Variants in FKBP14 observed in about 807,000 individuals in gnomAD.
FKBP14 encodes the protein FKBP prolyl isomerase 14.
A neutral mutation model predicts 21.6 loss-of-function variants in FKBP14; 20 were observed. That is an observed-to-expected ratio of 0.92 (90% CI 0.65 to 1.34). FKBP14 has a LOEUF of 1.34. FKBP14 is among the 40% of genes most tolerant of loss of function. The pLI is 0.00. For synonymous variants in FKBP14, 79 were observed against 86.7 expected (o/e 0.91, Z 0.49); for missense variants, 253 against 249.0 (o/e 1.02, Z -0.11).
At chr7:30,022,615 C>T in intron 2 of FKBP14, 50 bp downstream of exon 2, 15 of 1,543,742 alleles carry the variant, frequency 9.7e-6, no homozygotes, top group Non-Finnish European at 1.3e-5. Context: ...TCTCCTAATC[C>T]AGAGAACAAC....
chr7:30,026,575 G>T lies in FKBP14; in HGVS notation c.-67C>A. ...AGGTCCCTCGACTTCATAGATTTAA[G>T]AACGTAGTTCAAGGCTTACGGACAA... On this transcript the variant is annotated 5_prime_UTR_variant, in exon 1 of 4. Coordinates refer to ENST00000222803, the MANE Select transcript of FKBP14 (RefSeq NM_017946.4). 1 of 1,468,956 alleles carries T rather than the reference G, an allele frequency of 6.8e-7. No homozygotes were observed. The allele number at this position is 1,468,956 out of a possible 1,614,324, so 91.0% of individuals were successfully genotyped here. A position where few individuals can be genotyped will look rare whatever the true frequency, so the allele number is the denominator to read the frequency against.
chr7:30,021,465 G>A (rs1003348649), intron 2 of FKBP14, among the ~76,000 whole-genome samples: 5 of 151,908 alleles, frequency 3.3e-5, no homozygotes, highest in African/African-American at 1.2e-4. Context: ...TGCAATTATG[G>A]ACATCCCTGT....
downstream of FKBP14, among the ~76,000 whole-genome samples, chr7:30,007,206 CCTTT>C (rs1789632315): frequency 2.6e-5 from 3 of 114,896 alleles, no homozygotes. Flanking sequence ...AAAAAAAGTT[CCTTT>C]GTTTTTTTTT....
intron 1 of FKBP14, 152 bp downstream of exon 1, chr7:30,026,160 T>C: frequency 1.3e-6 from 1 of 749,762 alleles, no homozygotes; most frequent in Non-Finnish European, 2.1e-6. Context: ...TAAAACTGGC[T>C]TTAAACAATT....
chr7:30,018,953 C>T, intron 3 of FKBP14, 43 bp downstream of exon 3: 1 of 1,589,692 alleles, frequency 6.3e-7, no homozygotes, highest in Non-Finnish European at 8.5e-7. Context: ...CCCCAAACAA[C>T]CAAAGAAAAG....
intron 2 of FKBP14, chr7:30,022,395 C>T: frequency 4.1e-6 from 1 of 243,382 alleles, no homozygotes; most frequent in Non-Finnish European, 7.8e-6. Context: ...TATATTTTAT[C>T]ACAATTAAAA....
At chr7:30,022,618 A>T in intron 2 of FKBP14, 47 bp downstream of exon 2, 1 of 1,552,426 alleles carries the variant, frequency 6.4e-7, no homozygotes. Context: ...CCTAATCCAG[A>T]GAACAACTCT....
chr7:30,014,967 A>C, intron 3 of FKBP14, 74 bp from the exon 4 acceptor site: 2 of 919,794 alleles, frequency 2.2e-6, no homozygotes, highest in Non-Finnish European at 3.2e-6. Flanking sequence ...TATCACAGAC[A>C]TGGACTGTTA....
At chr7:30,019,253 G>T in intron 2 of FKBP14, 130 bp from the exon 3 acceptor site, 1 of 803,894 alleles carries the variant, frequency 1.2e-6, no homozygotes, top group Non-Finnish European at 1.8e-6. Flanking sequence ...CATATATGAT[G>T]AAAATTATGT....
At chr7:30,016,401 C>CT (rs896036422) in intron 3 of FKBP14, among the ~76,000 whole-genome samples, 60 of 147,098 alleles carry the variant, frequency 4.1e-4, no homozygotes, top group African/African-American at 1.1e-3. Context: ...TTTTGTTTTT[C>CT]TTTTTTTTTT....
downstream of FKBP14, among the ~76,000 whole-genome samples, chr7:30,006,373 T>C (rs1201522567): frequency 6.6e-6 from 1 of 152,048 alleles, no homozygotes; most frequent in Non-Finnish European, 1.5e-5. Flanking sequence ...GTGATCCTCC[T>C]TCCTTGGCCT....
Position 30,021,453 on chromosome 7 carries a change from A to G in FKBP14, c.349+1212T>C, listed in dbSNP as rs978842506. On this transcript the variant is annotated intron_variant, in intron 2 of 3. Coordinates refer to ENST00000222803, the MANE Select transcript of FKBP14 (RefSeq NM_017946.4). The stretch of plus-strand genomic sequence containing the variant: ...CAGTTCCAATTTTTTGCTTAGAAAC[A>G]ATGCAATTATGGACATCCCTGTTCA... 2.2e-4 allele frequency among the ~76,000 whole-genome samples: 34 copies of G among 152,268 alleles called. 1 individual carries two copies. The East Asian group carries it at 6.5e-3, about 29-fold the overall frequency.
In FKBP14 at chr7:30,012,408, C is replaced by T. The variant is rs1476683372; in HGVS notation, c.*2327G>A. ...TCAGTAATGTTTATACAGAGTAGCA[C>T]CATCGGACAAACTACTTTCCCTTCT... On this transcript the variant is annotated 3_prime_UTR_variant, in exon 4 of 4. Coordinates refer to ENST00000222803, the MANE Select transcript of FKBP14 (RefSeq NM_017946.4). The T allele has an allele frequency of 1.3e-5, 2 of 152,228 alleles. No individual in the cohort carries two copies. Among genetic ancestry groups the T allele is most frequent in the South Asian group, 4.1e-4 (2 of 4,838 alleles). The allele number at this position is 152,228 out of a possible 1,614,324, so 9.4% of individuals were successfully genotyped here. A position where few individuals can be genotyped will look rare whatever the true frequency, so the allele number is the denominator to read the frequency against.
At chr7:30,017,163 G>A (rs1476242633) in intron 3 of FKBP14, among the ~76,000 whole-genome samples, 66 of 149,968 alleles carry the variant, frequency 4.4e-4, no homozygotes, top group African/African-American at 1.6e-3. Context: ...TACATAGCGA[G>A]ACCTCATCTC....
At chr7:30,009,776 G>A (rs1469937439), downstream of FKBP14, among the ~76,000 whole-genome samples, 1 of 150,306 alleles carries the variant, frequency 6.7e-6, no homozygotes, top group Non-Finnish European at 1.5e-5. Context: ...GATTACCTGA[G>A]GTCAGGAGTT....
intron 1 of FKBP14, among the ~76,000 whole-genome samples, chr7:30,025,050 G>T (rs1790137434): frequency 6.6e-6 from 1 of 152,204 alleles, no homozygotes; most frequent in Admixed American, 6.5e-5. Context: ...TAACAGTTTA[G>T]AGAAGAGCCC....
Position 30,014,069 on chromosome 7 carries a change from G to C in FKBP14, c.*666C>G, listed in dbSNP as rs1485821022. 1 of 152,020 alleles carries C rather than the reference G, an allele frequency of 6.6e-6. No individual in the cohort carries two copies. The highest frequency in any genetic ancestry group is 1.5e-5 in the Non-Finnish European group (1 of 68,030). 9.4% of individuals were successfully genotyped at this position (152,020 alleles called of 1,614,324 possible). On this transcript the variant is annotated 3_prime_UTR_variant, in exon 4 of 4. Transcript: ENST00000222803. ...GTAGAGATAGGGTTTCTCCGTGTTG[G>C]TCAGGCTGGTCTCGAACTCCCAACC...
intron 2 of FKBP14, 107 bp downstream of exon 2, chr7:30,022,558 A>T (rs1415136221): frequency 1.7e-6 from 2 of 1,162,548 alleles, no homozygotes; most frequent in African/African-American, 3.1e-5. Flanking sequence ...CATACCCCCT[A>T]TTAACTTCCA....
Position 30,014,540 on chromosome 7 carries a change from C to CT in FKBP14, c.*194dup, listed in dbSNP as rs1278019255. The CT allele has an allele frequency of 8.4e-6, 3 of 355,784 alleles. No homozygotes were observed. The highest frequency in any genetic ancestry group is 1.5e-5 in the Non-Finnish European group (3 of 203,136). 22.0% of individuals were successfully genotyped at this position (355,784 alleles called of 1,614,324 possible). A position where few individuals can be genotyped will look rare whatever the true frequency, so the allele number is the denominator to read the frequency against. On this transcript the variant is annotated 3_prime_UTR_variant, in exon 4 of 4. Transcript: ENST00000222803. Reference sequence around the variant, plus strand: ...AGTCTTCTATTCAAAGACCAATTAGCTTTTTCTTCCCAATAACTTATCAGA... The same window carrying CT: ...AGTCTTCTATTCAAAGACCAATTAGCTTTTTTCTTCCCAATAACTTATCAGA...
Sources: gnomAD v4.1 joint callset for allele counts (sites outside exome capture counted in the v4.1 genomes callset) on GRCh38, gnomAD v4.1.1 for gene constraint, MANE v1.5 for transcripts, NCBI Gene and HGNC (gene_info 2026-07-23, HGNC 2026-07-21) for gene names.